Variants in IFT57 observed in about 807,000 individuals in gnomAD.
IFT57 encodes intraflagellar transport 57, also known as intraflagellar transport protein 57 homolog.
IFT57 carries 59 observed loss-of-function variants against 56.8 expected under a neutral mutation model. The ratio of observed to expected loss-of-function variants is 1.04; its 90% confidence interval spans 0.84 to 1.29. IFT57 has a LOEUF of 1.29. IFT57 is among the 50% of genes most tolerant of loss of function. The pLI, the probability that IFT57 is intolerant of heterozygous loss-of-function variation, is 0.00. For missense variants in IFT57, 470 were observed against 522.1 expected, an observed-to-expected ratio of 0.90 and a Z score of 0.97; for synonymous variants, 209 against 186.1, an observed-to-expected ratio of 1.12 and a Z score of -1.00.
In IFT57 at chr3:108,219,596, G is replaced by C. The variant is rs767184903; in HGVS notation, c.213-24C>G. On this transcript the variant is annotated intron_variant, in intron 1 of 10. Transcript: ENST00000264538. The stretch of plus-strand genomic sequence containing the variant: ...GTCTGTTTCAAAACAAGGAGGAATG[G>C]GGGCGGATGTGAAATAATGCAAATA... 4.4e-6 allele frequency: 7 copies of C among 1,608,704 alleles called. No individual in the cohort carries two copies. In the African/African-American group the frequency reaches 6.7e-5, roughly 15 times the overall value.
chr3:108,163,386 C>T (rs1285857499), intron 10 of IFT57, among the ~76,000 whole-genome samples: 1 of 152,048 alleles, frequency 6.6e-6, no homozygotes, highest in Non-Finnish European at 1.5e-5. Context: ...ATTTTTTAAA[C>T]TGGCATAACA....
chr3:108,218,499 C>T, intron 3 of IFT57, 36 bp downstream of exon 3: 1 of 923,008 alleles, frequency 1.1e-6, no homozygotes, highest in South Asian at 1.6e-5. Flanking sequence ...ATGCTATGCC[C>T]ATAAAATTAC....
At position 108,166,958 on chromosome 3, in the gene IFT57, T is replaced by C. The variant is rs769586182; in HGVS notation, c.877A>G (p.Ile293Val). ...CTGATCTTTTCCAAAGTCCTAGTAA[T>C]TTCATTATGGAGTTTGTCCAAAAAT... ...KGFLDKLHNE[I>V]TRTLEKISSR... Residue 293 changes from isoleucine to valine, a missense_variant, in exon 8 of 11, where the codon ATT becomes GTT. Coordinates refer to ENST00000264538, the MANE Select transcript of IFT57 (RefSeq NM_018010.4). The C allele has an allele frequency of 1.7e-5, 28 of 1,609,834 alleles. No individual in the cohort carries two copies. Among genetic ancestry groups the C allele is most frequent in the Non-Finnish European group, 2.4e-5 (28 of 1,177,836 alleles).
chr3:108,191,128 T>C (rs1413603854), intron 6 of IFT57, among the ~76,000 whole-genome samples: 1 of 152,166 alleles, frequency 6.6e-6, no homozygotes, highest in Non-Finnish European at 1.5e-5. Context: ...GAATAGATTA[T>C]CTAAGACCAC....
intron 3 of IFT57, 74 bp downstream of exon 3, chr3:108,218,461 T>C (rs1048663722): frequency 1.9e-5 from 11 of 574,848 alleles, no homozygotes; most frequent in African/African-American, 1.5e-4. Flanking sequence ...TTATGTTCAA[T>C]TGAACAGCTC....
chr3:108,217,599 T>C (rs544960314), intron 3 of IFT57, among the ~76,000 whole-genome samples: 1 of 151,994 alleles, frequency 6.6e-6, no homozygotes, highest in Admixed American at 6.5e-5. Context: ...AAGGAAGTTA[T>C]TAAACTTAAT....
intron 4 of IFT57, 29 bp from the exon 5 acceptor site, chr3:108,206,725 T>C: frequency 1.4e-6 from 1 of 733,008 alleles, no homozygotes; most frequent in Non-Finnish European, 2.0e-6. Flanking sequence ...AAAAAATTAT[T>C]AAAAATTATA....
chr3:108,165,660 C>G (rs1386626627), intron 8 of IFT57, among the ~76,000 whole-genome samples, 167 bp from the exon 9 acceptor site: 1 of 151,912 alleles, frequency 6.6e-6, no homozygotes, highest in Admixed American at 6.6e-5. Flanking sequence ...GTTTTATGTC[C>G]CTAATAGGCA....
At chr3:108,218,875 G>A (rs1271992732) in intron 2 of IFT57, among the ~76,000 whole-genome samples, 3 of 152,026 alleles carry the variant, frequency 2.0e-5, no homozygotes, top group African/African-American at 4.8e-5. Flanking sequence ...AAATTAAAAA[G>A]CAATAACATC....
chr3:108,197,043 T>G (rs2108319870), intron 5 of IFT57, among the ~76,000 whole-genome samples: 1 of 152,298 alleles, frequency 6.6e-6, no homozygotes, highest in Non-Finnish European at 1.5e-5. Flanking sequence ...TGCTTTTCAT[T>G]TAATCAAAAT....
chr3:108,220,419 T>C (rs2107224543), intron 1 of IFT57, among the ~76,000 whole-genome samples: 1 of 152,244 alleles, frequency 6.6e-6, no homozygotes, highest in Non-Finnish European at 1.5e-5. Flanking sequence ...TTATAACCAT[T>C]GTCATAAAAA....
At chr3:108,167,390 G>A (rs1046406614) in intron 7 of IFT57, among the ~76,000 whole-genome samples, 2 of 151,880 alleles carry the variant, frequency 1.3e-5, no homozygotes, top group African/African-American at 4.8e-5. Context: ...TAACTTTTCA[G>A]TCTAGCTTTG....
intron 6 of IFT57, among the ~76,000 whole-genome samples, chr3:108,175,174 CCTATT>C (rs138713441): frequency 6.6e-6 from 1 of 151,852 alleles, no homozygotes; most frequent in African/African-American, 2.4e-5. Context: ...CTACTGGTCA[CCTATT>C]CTAAAGTGCT....
In IFT57 at chr3:108,162,436, T is replaced by G; in HGVS notation, c.*41A>C. 1 of 1,510,334 alleles carries G rather than the reference T, an allele frequency of 6.6e-7. No individual in the cohort carries two copies. The highest frequency in any genetic ancestry group is 9.0e-7 in the Non-Finnish European group (1 of 1,116,098). 93.6% of individuals were successfully genotyped at this position (1,510,334 alleles called of 1,614,324 possible). ...ATGCAACATGAAATATAGTTTGATA[T>G]AAAAAACCCAACTAATCAGAAACAT... On this transcript the variant is annotated 3_prime_UTR_variant, in exon 11 of 11. Coordinates refer to ENST00000264538, the MANE Select transcript of IFT57 (RefSeq NM_018010.4).
chr3:108,200,556 T>A (rs529240171), intron 5 of IFT57, among the ~76,000 whole-genome samples: 57 of 152,316 alleles, frequency 3.7e-4, no homozygotes, highest in African/African-American at 1.3e-3. Flanking sequence ...TTGAATTATA[T>A]AATAAATATC....
At chr3:108,181,104 ACTTGTGATAAACGGAAC>A (rs886333145) in intron 6 of IFT57, among the ~76,000 whole-genome samples, 1 of 152,024 alleles carries the variant, frequency 6.6e-6, no homozygotes, top group Non-Finnish European at 1.5e-5. Context: ...TCTTATTTCA[ACTTGTGATAAACGGAAC>A]CTTTCTCTGA....
At chr3:108,206,023 A>G (rs2080310117) in intron 5 of IFT57, among the ~76,000 whole-genome samples, 1 of 103,104 alleles carries the variant, frequency 9.7e-6, no homozygotes, top group South Asian at 2.7e-4. Context: ...TATATAATAT[A>G]TTGTATATTA....
chr3:108,171,972 AAT>A (rs1437111057), intron 6 of IFT57, among the ~76,000 whole-genome samples: 1 of 143,792 alleles, frequency 7.0e-6, no homozygotes, highest in Non-Finnish European at 1.5e-5. Context: ...TACATATACA[AAT>A]ATATAGTTTT....
intron 4 of IFT57, among the ~76,000 whole-genome samples, chr3:108,211,128 A>C (rs543559747): frequency 2.0e-5 from 3 of 152,368 alleles, no homozygotes; most frequent in Non-Finnish European, 4.4e-5. Flanking sequence ...AAGAAAAATT[A>C]CACATGGTTT....
Sources: allele counts gnomAD v4.1 joint callset (sites outside exome capture counted in the v4.1 genomes callset), GRCh38; gene constraint gnomAD v4.1.1; transcripts MANE v1.5; gene names NCBI Gene and HGNC (gene_info 2026-07-23, HGNC 2026-07-21).